DCLK1: variants seen among roughly 807,000 people sequenced by gnomAD.
DCLK1 encodes the protein doublecortin like kinase 1.
In DCLK1, 16 loss-of-function variants were observed where a neutral mutation model predicts 86.2. The ratio of observed to expected loss-of-function variants is 0.19; its 90% CI spans 0.13 to 0.28. The LOEUF (loss-of-function observed/expected upper bound fraction) is 0.28. DCLK1 is among the 10% of genes least tolerant of loss of function. DCLK1 has a pLI of 1.00. For missense variants in DCLK1, 590 were observed against 940.2 expected (o/e 0.63, Z 4.87); for synonymous variants, 369 against 370.5 (o/e 1.00, Z 0.05).
At chr13:36,104,820 A>G (rs1286351145) in intron 3 of DCLK1, among the ~76,000 whole-genome samples, 1 of 152,154 alleles carries the variant, frequency 6.6e-6, no homozygotes, top group Non-Finnish European at 1.5e-5. Flanking sequence ...ATAAAAATAC[A>G]GTTGTTAGTA....
At chr13:36,107,463 T>C (rs1222035041) in intron 3 of DCLK1, among the ~76,000 whole-genome samples, 1 of 151,606 alleles carries the variant, frequency 6.6e-6, no homozygotes, top group Admixed American at 6.6e-5. Context: ...ATGTGAAATG[T>C]CTATAAGATA....
At chr13:35,968,755 T>C (rs1251499934) in intron 3 of DCLK1, among the ~76,000 whole-genome samples, 1 of 152,004 alleles carries the variant, frequency 6.6e-6, no homozygotes, top group African/African-American at 2.4e-5. Context: ...TTCTCAGGCT[T>C]ACTTTCTAAG....
intron 6 of DCLK1, among the ~76,000 whole-genome samples, chr13:35,844,490 A>C (rs1870036493): frequency 6.6e-6 from 1 of 152,192 alleles, no homozygotes; most frequent in Admixed American, 6.5e-5. Context: ...AATCTGAACC[A>C]TTTGTCCCAA....
rs746034864 is a variant in DCLK1 at position 35,867,848 on chromosome 13, G to GAAGA, written c.940+3372_940+3375dup. Among the ~76,000 whole-genome samples, 766 of 126,248 alleles carry GAAGA rather than the reference G, an allele frequency of 6.1e-3. 15 individuals are homozygous for GAAGA. The highest frequency in any genetic ancestry group is 9.4e-3 in the Non-Finnish European group (548 of 58,416). The allele number at this position is 126,248 out of a possible 152,430, so 82.8% of individuals were successfully genotyped here. A position where few individuals can be genotyped will look rare whatever the true frequency, so the allele number is the denominator to read the frequency against. Reference sequence around the variant, plus strand: ...CCCCATCTTTATTGACTTAAAGGGAGAAGAAAGAAAGAAAGAAAGAAAGAG... The same window carrying GAAGA: ...CCCCATCTTTATTGACTTAAAGGGAGAAGAAAGAAAGAAAGAAAGAAAGAAAGAG... On this transcript the variant is annotated intron_variant, in intron 5 of 16. Transcript: ENST00000360631.
At chr13:35,883,289 G>A (rs1052871020) in intron 4 of DCLK1, among the ~76,000 whole-genome samples, 1 of 152,154 alleles carries the variant, frequency 6.6e-6, no homozygotes, top group Non-Finnish European at 1.5e-5. Context: ...TGGATCCCTC[G>A]AGAATGTCTT....
chr13:35,862,508 G>T (rs755345836), intron 5 of DCLK1, among the ~76,000 whole-genome samples: 2 of 151,880 alleles, frequency 1.3e-5, no homozygotes. Context: ...TTTTTCCACC[G>T]CCATGCCACT....
rs1052820226 is a variant in DCLK1, at chr13:36,087,690, C to T, written c.723+24179G>A. Reference sequence around the variant, plus strand: ...TACCTTTTTCCCACCAAGAAGACTCCTGGAGGCTTCTCCCTCCTCTCCACT... The same window carrying T: ...TACCTTTTTCCCACCAAGAAGACTCTTGGAGGCTTCTCCCTCCTCTCCACT... On this transcript the variant is annotated intron_variant, in intron 3 of 16. Transcript: ENST00000360631. 2.0e-5 allele frequency among the ~76,000 whole-genome samples: 3 copies of T among 152,108 alleles called. No individual in the cohort carries two copies. The South Asian group carries it at 6.2e-4, about 32-fold the overall frequency.
intron 4 of DCLK1, among the ~76,000 whole-genome samples, chr13:35,923,221 C>A (rs1875905377): frequency 1.3e-5 from 2 of 152,244 alleles, no homozygotes; most frequent in South Asian, 2.1e-4. Flanking sequence ...CAGATGAAAG[C>A]AACTGATGGG....
At chr13:35,776,326 A>C (rs753550990) in intron 16 of DCLK1, among the ~76,000 whole-genome samples, 1 of 152,194 alleles carries the variant, frequency 6.6e-6, no homozygotes, top group African/African-American at 2.4e-5. Context: ...ACAGACGTCT[A>C]TTTAGTCTGT....
chr13:35,854,779 A>C (rs1213636149), intron 5 of DCLK1, among the ~76,000 whole-genome samples, 186 bp from the exon 6 acceptor site: 2 of 152,168 alleles, frequency 1.3e-5, no homozygotes, highest in Non-Finnish European at 2.9e-5. Flanking sequence ...AGTTTTGTAA[A>C]TCCTGTGTTT....
intron 4 of DCLK1, among the ~76,000 whole-genome samples, chr13:35,903,699 C>G (rs946913175): frequency 1.3e-5 from 2 of 151,996 alleles, no homozygotes; most frequent in African/African-American, 4.8e-5. Context: ...CTATCCACCC[C>G]CTCCAAAGTC....
intron 10 of DCLK1, among the ~76,000 whole-genome samples, chr13:35,826,137 T>C (rs1354030073): frequency 1.3e-5 from 2 of 152,042 alleles, no homozygotes; most frequent in African/African-American, 4.8e-5. Flanking sequence ...AGCCGACTTT[T>C]CTTTATTGGA....
chr13:35,855,846 T>G (rs1871022522), intron 5 of DCLK1: 1 of 1,171,980 alleles, frequency 8.5e-7, no homozygotes, highest in Admixed American at 4.2e-5. Context: ...TACTTTGCAC[T>G]GAATCATAAT....
intron 3 of DCLK1, among the ~76,000 whole-genome samples, chr13:36,034,038 C>G (rs1385253751): frequency 2.6e-5 from 4 of 151,994 alleles, no homozygotes; most frequent in African/African-American, 9.7e-5. Flanking sequence ...TAAGAAACAC[C>G]ATAGAAAAAG....
chr13:36,104,470 G>A (rs189155493), intron 3 of DCLK1, among the ~76,000 whole-genome samples: 1 of 152,298 alleles, frequency 6.6e-6, no homozygotes, highest in Admixed American at 6.5e-5. Context: ...AAGAGAGTGA[G>A]TTGTCAATTT....
chr13:36,067,574 A>C (rs931756944), intron 3 of DCLK1, among the ~76,000 whole-genome samples: 3 of 151,832 alleles, frequency 2.0e-5, no homozygotes, highest in Admixed American at 1.3e-4. Flanking sequence ...TAAAATTAAA[A>C]AATAAAAATA....
chr13:35,778,189 A>T (rs892882162), intron 16 of DCLK1, among the ~76,000 whole-genome samples: 9 of 152,220 alleles, frequency 5.9e-5, no homozygotes, highest in African/African-American at 2.2e-4. Flanking sequence ...CTTCCGGTCC[A>T]TTCTGCACAC....
At position 35,809,105 on chromosome 13, in the gene DCLK1, T is replaced by C. The variant is rs987397610; in HGVS notation, c.1689-10A>G. On this transcript the variant is annotated splice_polypyrimidine_tract_variant and intron_variant, in intron 12 of 16. Coordinates refer to ENST00000360631, the MANE Select transcript of DCLK1 (RefSeq NM_001330071.2). ...CACCTTGAGGCCGTATCTGGAAAAA[T>C]AAGGGATGTTAGAGTTAGGAGGGTC... 2 of 1,608,944 alleles carry C rather than the reference T, an allele frequency of 1.2e-6. No homozygotes were observed. Among genetic ancestry groups the C allele is most frequent in the Admixed American group, 1.7e-5 (1 of 59,940 alleles).
intron 3 of DCLK1, among the ~76,000 whole-genome samples, chr13:35,974,343 G>A (rs1036963062): frequency 1.3e-5 from 2 of 152,156 alleles, no homozygotes; most frequent in African/African-American, 4.8e-5. Context: ...CACAAAGAGG[G>A]AATTTGGTCA....
Sources: gnomAD v4.1 joint callset for allele counts (sites outside exome capture counted in the v4.1 genomes callset) on GRCh38, gnomAD v4.1.1 for gene constraint, MANE v1.5 for transcripts, NCBI Gene and HGNC (gene_info 2026-07-23, HGNC 2026-07-21) for gene names.